Variants in KBTBD12 observed in about 807,000 individuals in gnomAD.
KBTBD12 encodes the protein kelch repeat and BTB domain-containing protein 12.
KBTBD12 carries 53 observed loss-of-function variants against 58.7 expected under a neutral mutation model. The ratio of observed to expected loss-of-function variants is 0.90; its 90% confidence interval spans 0.72 to 1.14. The LOEUF (loss-of-function observed/expected upper bound fraction) is 1.14. Among genes scored for constraint, KBTBD12 ranks in the 50% most tolerant of loss-of-function variants. The pLI is 0.00. For missense variants in KBTBD12, 704 were observed against 751.3 expected (o/e 0.94, Z 0.74); for synonymous variants, 236 against 259.8 (o/e 0.91, Z 0.88).
chr3:127,920,254 C>T (rs1033991799), intron 1 of KBTBD12, among the ~76,000 whole-genome samples: 4 of 152,112 alleles, frequency 2.6e-5, no homozygotes, highest in African/African-American at 9.7e-5. Context: ...TCAGTATTTA[C>T]TCTATTAGAA....
At chr3:127,937,372 G>T (rs1254532020) in intron 4 of KBTBD12, among the ~76,000 whole-genome samples, 7 of 152,118 alleles carry the variant, frequency 4.6e-5, no homozygotes, top group Non-Finnish European at 1.0e-4. Flanking sequence ...AACTGCAAGG[G>T]ATGTAAAAAT....
At chr3:127,976,407 T>C (rs1053154374) in intron 5 of KBTBD12, among the ~76,000 whole-genome samples, 2 of 152,202 alleles carry the variant, frequency 1.3e-5, no homozygotes, top group Non-Finnish European at 2.9e-5. Flanking sequence ...ATTAACTTGT[T>C]TAATTAGCAC....
intron 5 of KBTBD12, among the ~76,000 whole-genome samples, chr3:127,966,796 G>A (rs548373269): frequency 1.3e-5 from 2 of 152,070 alleles, no homozygotes; most frequent in East Asian, 3.9e-4. Flanking sequence ...ACCCAAACTA[G>A]GGCACATCAC....
intron 4 of KBTBD12, among the ~76,000 whole-genome samples, chr3:127,942,557 T>C (rs1179908037): frequency 2.0e-5 from 3 of 151,454 alleles, no homozygotes; most frequent in African/African-American, 7.3e-5. Context: ...TTAATGAACA[T>C]TTAGATTGTT....
chr3:127,967,805 A>C (rs530740628), intron 5 of KBTBD12, among the ~76,000 whole-genome samples: 1 of 152,368 alleles, frequency 6.6e-6, no homozygotes, highest in South Asian at 2.1e-4. Context: ...GAAAAATATG[A>C]ACAAGTGAGT....
chr3:127,959,586 A>G (rs1038618553), intron 4 of KBTBD12, among the ~76,000 whole-genome samples: 1 of 152,266 alleles, frequency 6.6e-6, no homozygotes, highest in African/African-American at 2.4e-5. Flanking sequence ...ATCCTAGAAC[A>G]TGAAAGAGAA....
chr3:127,931,606 C>G (rs1424638876), intron 4 of KBTBD12, among the ~76,000 whole-genome samples: 2 of 152,004 alleles, frequency 1.3e-5, no homozygotes, highest in Non-Finnish European at 1.5e-5. Flanking sequence ...GGAGCCACAA[C>G]GAGGCTAGAT....
intron 4 of KBTBD12, among the ~76,000 whole-genome samples, chr3:127,959,147 G>T (rs987343168): frequency 6.6e-6 from 1 of 152,206 alleles, no homozygotes; most frequent in Non-Finnish European, 1.5e-5. Flanking sequence ...GTGTGAGAAT[G>T]AAACAAATCA....
chr3:127,968,988 A>C (rs1940636962), intron 5 of KBTBD12, among the ~76,000 whole-genome samples: 1 of 152,208 alleles, frequency 6.6e-6, no homozygotes, highest in Non-Finnish European at 1.5e-5. Flanking sequence ...CATCATGCTT[A>C]ATGGTAAAAG....
At chr3:127,924,704 T>G (rs1183456072) in intron 2 of KBTBD12, among the ~76,000 whole-genome samples, 1 of 152,178 alleles carries the variant, frequency 6.6e-6, no homozygotes, top group East Asian at 1.9e-4. Context: ...TCAGTTTTCA[T>G]TCTATGTCCT....
intron 5 of KBTBD12, among the ~76,000 whole-genome samples, chr3:127,969,031 G>A (rs1427959887): frequency 6.6e-6 from 1 of 152,136 alleles, no homozygotes; most frequent in East Asian, 1.9e-4. Flanking sequence ...TCAGGAACAA[G>A]GCATGAATGC....
chr3:127,928,914 C>G (rs778592381), intron 3 of KBTBD12, among the ~76,000 whole-genome samples: 13 of 152,138 alleles, frequency 8.5e-5, no homozygotes, highest in Non-Finnish European at 1.8e-4. Context: ...AAAACTTAAA[C>G]CTCACATGTA....
At chr3:127,938,729 A>G (rs1939880077) in intron 4 of KBTBD12, among the ~76,000 whole-genome samples, 1 of 152,224 alleles carries the variant, frequency 6.6e-6, no homozygotes, top group Non-Finnish European at 1.5e-5. Flanking sequence ...GAAAGCTGGT[A>G]TAGCTGTTTA....
chr3:127,956,927 G>A (rs1255597611), intron 4 of KBTBD12, among the ~76,000 whole-genome samples: 1 of 152,160 alleles, frequency 6.6e-6, no homozygotes, highest in Non-Finnish European at 1.5e-5. Flanking sequence ...TGTTACTCCT[G>A]AATCCTTAAG....
intron 4 of KBTBD12, among the ~76,000 whole-genome samples, chr3:127,941,336 G>A (rs1425580472): frequency 2.0e-5 from 3 of 152,098 alleles, no homozygotes; most frequent in Non-Finnish European, 4.4e-5. Context: ...CATGCCAAAC[G>A]TGTTTTTTCC....
At chr3:127,983,493 G>C (rs1239469734) in intron 5 of KBTBD12, among the ~76,000 whole-genome samples, 1 of 152,132 alleles carries the variant, frequency 6.6e-6, no homozygotes, top group Admixed American at 6.5e-5. Context: ...GGTGGCTCAC[G>C]CCTGTAATCC....
At position 127,915,260 on chromosome 3, in the gene KBTBD12, C is replaced by T. The variant is rs1939197751; in HGVS notation, c.-439C>T. ...AGGGTACGGGACGCGCGCGGGGAGA[C>T]CCTGTGCAGCGACACCGGGGCTGTA... is the stretch of plus-strand genomic sequence containing the variant. On this transcript the variant is annotated 5_prime_UTR_variant, in exon 1 of 6. Transcript: ENST00000405109. 6.6e-6 allele frequency: 1 copy of T among 152,108 alleles called. No individual in the cohort carries two copies. Among genetic ancestry groups the T allele is most frequent in the African/African-American group, 2.4e-5 (1 of 41,384 alleles). 9.4% of individuals were successfully genotyped at this position (152,108 alleles called of 1,614,324 possible).
chr3:127,933,955 A>G (rs1576375742), intron 4 of KBTBD12, among the ~76,000 whole-genome samples: 2 of 152,312 alleles, frequency 1.3e-5, no homozygotes, highest in East Asian at 3.9e-4. Context: ...AAGGAAAACA[A>G]TAAAATCAGG....
intron 4 of KBTBD12, among the ~76,000 whole-genome samples, chr3:127,959,980 G>A (rs542500511): frequency 6.6e-6 from 1 of 152,304 alleles, no homozygotes; most frequent in East Asian, 1.9e-4. Context: ...CCTAAGACTG[G>A]TTTAGCACGA....
Sources: gnomAD v4.1 joint callset for allele counts (sites outside exome capture counted in the v4.1 genomes callset) on GRCh38, gnomAD v4.1.1 for gene constraint, MANE v1.5 for transcripts, NCBI Gene and HGNC (gene_info 2026-07-23, HGNC 2026-07-21) for gene names.